EPHA4: variants seen among roughly 807,000 people sequenced by gnomAD.
EPHA4 encodes the protein ephrin type-A receptor 4.
A neutral mutation model predicts 108.3 loss-of-function variants in EPHA4; 19 were observed. The observed-to-expected ratio is 0.18, with a 90% CI of 0.12 to 0.26. The LOEUF is 0.26. EPHA4 is among the 10% of genes least tolerant of loss of function. EPHA4 has a pLI of 1.00. For missense variants in EPHA4, 917 were observed against 1,254.0 expected (o/e 0.73, Z 4.06); for synonymous variants, 449 against 455.5 (o/e 0.99, Z 0.18).
At chr2:221,528,363 A>T (rs990230249) in intron 3 of EPHA4, among the ~76,000 whole-genome samples, 1 of 152,192 alleles carries the variant, frequency 6.6e-6, no homozygotes, top group African/African-American at 2.4e-5. Context: ...AGTGTATATT[A>T]ACCATTAGAT....
At chr2:221,559,540 T>C (rs1694396360) in intron 3 of EPHA4, among the ~76,000 whole-genome samples, 1 of 152,152 alleles carries the variant, frequency 6.6e-6, no homozygotes, top group Non-Finnish European at 1.5e-5. Context: ...AGACTTCATC[T>C]CTTATGTTAA....
At chr2:221,500,539 C>A (rs894947066) in intron 4 of EPHA4, among the ~76,000 whole-genome samples, 1 of 152,156 alleles carries the variant, frequency 6.6e-6, no homozygotes, top group African/African-American at 2.4e-5. Context: ...AGGATTGGGG[C>A]CTAAGTCTTA....
chr2:221,573,014 G>A (rs1235552327), upstream of EPHA4: 1 of 152,686 alleles, frequency 6.5e-6, no homozygotes, highest in African/African-American at 2.4e-5. The surrounding 1 kb of genome is among the most constrained non-coding windows in gnomAD (Gnocchi z 4.5). Flanking sequence ...TAGCAGTAAG[G>A]AAGTCCCCGC....
At chr2:221,504,633 C>T (rs1402123166) in intron 3 of EPHA4, among the ~76,000 whole-genome samples, 2 of 151,444 alleles carry the variant, frequency 1.3e-5, no homozygotes, top group African/African-American at 4.9e-5. Flanking sequence ...CTTTATAGTT[C>T]ATTTTAAAAC....
chr2:221,501,332 A>G (rs1692483958), intron 3 of EPHA4, 160 bp from the exon 4 acceptor site: 1 of 583,878 alleles, frequency 1.7e-6, no homozygotes. Context: ...AAAAGCATTC[A>G]TTGAGTATAG....
intron 3 of EPHA4, among the ~76,000 whole-genome samples, chr2:221,530,595 G>A (rs1046595145): frequency 6.6e-6 from 1 of 152,186 alleles, no homozygotes; most frequent in African/African-American, 2.4e-5. Context: ...GGACCTCCTG[G>A]ACATCCTTCT....
chr2:221,487,392 G>C (rs937636521), intron 4 of EPHA4, among the ~76,000 whole-genome samples: 19 of 152,096 alleles, frequency 1.2e-4, no homozygotes, highest in African/African-American at 4.3e-4. Context: ...TTGAAATGTG[G>C]GTTCTATCAA....
intron 5 of EPHA4, among the ~76,000 whole-genome samples, chr2:221,466,540 T>C (rs186654301): frequency 6.6e-6 from 1 of 152,294 alleles, no homozygotes; most frequent in East Asian, 1.9e-4. Flanking sequence ...AGCCATAAAA[T>C]GAGATTTAAA....
chr2:221,483,594 C>T (rs1238422840), intron 4 of EPHA4, among the ~76,000 whole-genome samples: 8 of 151,380 alleles, frequency 5.3e-5, no homozygotes, highest in East Asian at 2.0e-4. Flanking sequence ...CAGCTCACTG[C>T]AACTTTCACC....
At chr2:221,524,011 T>C (rs1225949550) in intron 3 of EPHA4, among the ~76,000 whole-genome samples, 1 of 152,062 alleles carries the variant, frequency 6.6e-6, no homozygotes, top group East Asian at 1.9e-4. Flanking sequence ...CAAATATATA[T>C]ATAAAATGCC....
chr2:221,562,259 C>G (rs771918531), intron 3 of EPHA4, among the ~76,000 whole-genome samples: 3 of 149,206 alleles, frequency 2.0e-5, no homozygotes, highest in Admixed American at 6.7e-5. Context: ...GATAGCCACT[C>G]TTTTTTCTAT....
Position 221,501,035 on chromosome 2 carries a change from C to A in EPHA4, c.961G>T (p.Ala321Ser). 2 of 1,610,812 alleles carry A rather than the reference C, an allele frequency of 1.2e-6. No homozygotes were observed. The highest frequency in any genetic ancestry group is 1.7e-6 in the Non-Finnish European group (2 of 1,178,698). The change falls in exon 4 of 18, where the codon GCC becomes TCC. Residue 321 changes from alanine to serine, a missense_variant. Physicochemically the swap from Ala to Ser is moderately conservative, Grantham distance 99. Transcript: ENST00000281821. ...AACTTACGGGTGCAGGGCATAGAGG[C>A]AGCATCGTTGTCAGCTCTGAAAAAG... is the stretch of plus-strand genomic sequence containing the variant. ...RGFFRADNDA[A>S]SMPCTRPPSA...
intron 3 of EPHA4, among the ~76,000 whole-genome samples, chr2:221,505,691 T>C (rs1478781066): frequency 2.0e-5 from 3 of 152,182 alleles, no homozygotes; most frequent in Non-Finnish European, 4.4e-5. Context: ...ATTATATCTC[T>C]ATCAGACAAT....
intron 9 of EPHA4, 64 bp from the exon 10 acceptor site, chr2:221,443,670 T>C: frequency 8.3e-7 from 1 of 1,206,556 alleles, no homozygotes; most frequent in Non-Finnish European, 1.2e-6. Context: ...ACATAAATAG[T>C]CTGGGTCTAA....
intron 17 of EPHA4, among the ~76,000 whole-genome samples, chr2:221,423,354 G>T (rs980209252): frequency 6.6e-6 from 1 of 152,124 alleles, no homozygotes; most frequent in Non-Finnish European, 1.5e-5. Flanking sequence ...TCTGCGCCCT[G>T]GGAAACAATG....
chr2:221,435,937 CAAA>C, intron 13 of EPHA4, among the ~76,000 whole-genome samples: 1 of 138,054 alleles, frequency 7.2e-6, no homozygotes, highest in African/African-American at 2.7e-5. Context: ...AAAACAACAA[CAAA>C]AAAAAAAAAA....
At chr2:221,464,726 AC>A (rs1270220096) in intron 5 of EPHA4, among the ~76,000 whole-genome samples, 7 of 151,876 alleles carry the variant, frequency 4.6e-5, no homozygotes, top group Non-Finnish European at 1.0e-4. Context: ...ATCCCCAACC[AC>A]CCTCGCTGGA....
Position 221,561,816 on chromosome 2 carries a change from G to A in EPHA4, c.823+1915C>T, listed in dbSNP as rs527308689. Among the ~76,000 whole-genome samples the A allele has an allele frequency of 8.5e-5, 13 of 152,328 alleles. No homozygotes were observed. The South Asian group carries it at 2.3e-3, about 27-fold the overall frequency. The stretch of plus-strand genomic sequence containing the variant: ...TGAAAATCAATGACATTAGATACAC[G>A]AAGATGTGCTAATGCTGAGAGTGAA... On this transcript the variant is annotated intron_variant, in intron 3 of 17. Coordinates refer to ENST00000281821, the MANE Select transcript of EPHA4 (RefSeq NM_004438.5).
At chr2:221,539,003 T>C (rs1404128006) in intron 3 of EPHA4, among the ~76,000 whole-genome samples, 1 of 152,090 alleles carries the variant, frequency 6.6e-6, no homozygotes, top group Non-Finnish European at 1.5e-5. Context: ...CTGCCATATA[T>C]AGTTGTACAG....
Sources: gnomAD v4.1 joint callset for allele counts (sites outside exome capture counted in the v4.1 genomes callset) on GRCh38, gnomAD v4.1.1 for gene constraint, Gnocchi (gnomAD v3.1) non-coding constraint, MANE v1.5 for transcripts, NCBI Gene and HGNC (gene_info 2026-07-23, HGNC 2026-07-21) for gene names.